FER1L6: variants seen among roughly 807,000 people sequenced by gnomAD.
FER1L6 encodes the protein fer-1-like protein 6.
Under a neutral mutation model 219.2 loss-of-function variants are expected in FER1L6, and 177 were observed. The ratio of observed to expected loss-of-function variants is 0.81; its 90% CI spans 0.71 to 0.91. The LOEUF (loss-of-function observed/expected upper bound fraction) is 0.91, where lower values mean the gene tolerates loss of function less well. Among genes scored for constraint, FER1L6 ranks in the 40% least tolerant of loss-of-function variants. The pLI is 0.00. For missense variants in FER1L6, 2,153 were observed against 2,259.9 expected (o/e 0.95, Z 0.96); for synonymous variants, 768 against 824.3 (o/e 0.93, Z 1.17).
chr8:123,978,753 T>C (rs1003713779), intron 10 of FER1L6, among the ~76,000 whole-genome samples: 1 of 152,192 alleles, frequency 6.6e-6, no homozygotes, highest in Non-Finnish European at 1.5e-5. Flanking sequence ...ACTAAAGGCA[T>C]GTCAAGAGCA....
At chr8:124,062,252 ATGAC>A (rs1399478411) in intron 25 of FER1L6, among the ~76,000 whole-genome samples, 1 of 152,150 alleles carries the variant, frequency 6.6e-6, no homozygotes, top group Non-Finnish European at 1.5e-5. Flanking sequence ...TTCCTTGAAT[ATGAC>A]TTAAGCTCCT....
At chr8:123,885,668 G>C (rs1316396071) in intron 1 of FER1L6, among the ~76,000 whole-genome samples, 1 of 152,210 alleles carries the variant, frequency 6.6e-6, no homozygotes, top group African/African-American at 2.4e-5. Context: ...GGCAGAGCGG[G>C]CTTTGGAGCC....
chr8:124,088,261 C>T (rs1364095333), intron 33 of FER1L6, among the ~76,000 whole-genome samples: 2 of 152,078 alleles, frequency 1.3e-5, no homozygotes, highest in Non-Finnish European at 2.9e-5. Context: ...AAGATAAAGT[C>T]CTTCCCCTTT....
At chr8:123,869,705 T>C (rs1816894977) in intron 1 of FER1L6, among the ~76,000 whole-genome samples, 1 of 152,192 alleles carries the variant, frequency 6.6e-6, no homozygotes, top group South Asian at 2.1e-4. Flanking sequence ...AAAGTTTATA[T>C]AAAAAGGCAA....
chr8:123,953,414 G>A (rs940763833), intron 1 of FER1L6, among the ~76,000 whole-genome samples: 4 of 152,188 alleles, frequency 2.6e-5, no homozygotes, highest in African/African-American at 9.7e-5. Context: ...TCTGAAGGTG[G>A]TTCGAGATAT....
At chr8:124,039,466 G>T (rs1466275622) in intron 19 of FER1L6, among the ~76,000 whole-genome samples, 1 of 152,142 alleles carries the variant, frequency 6.6e-6, no homozygotes, top group Non-Finnish European at 1.5e-5. Flanking sequence ...AATTACTGGG[G>T]AGTAAAATTT....
At chr8:124,082,219 T>C (rs535630931) in intron 32 of FER1L6, 69 bp from the exon 33 acceptor site, 4 of 1,303,742 alleles carry the variant, frequency 3.1e-6, no homozygotes, top group African/African-American at 2.9e-5. Context: ...TAGCTAAAAG[T>C]GAAGCTGGGA....
rs762545342 is a variant in FER1L6 at position 124,003,311 on chromosome 8, C to T, written c.1664C>T (p.Thr555Ile). 3 of 1,613,684 alleles carry T rather than the reference C, an allele frequency of 1.9e-6. No homozygotes were observed. Among genetic ancestry groups the T allele is most frequent in the Non-Finnish European group, 2.5e-6 (3 of 1,179,972 alleles). The change falls in exon 13 of 41, where the codon ACT (threonine) becomes ATT (isoleucine). Residue 555 changes from threonine to isoleucine, a missense_variant. By Grantham distance (89) the Thr-to-Ile change is moderately conservative (BLOSUM62 -1). Coordinates refer to ENST00000522917, the MANE Select transcript of FER1L6 (RefSeq NM_001039112.2). ...GTTCCCATTCCTATGGCCTCCACCA[C>T]TCACCCGGAGAAGCCACTGGTGACA... ...HDVPIPMAST[T>I]HPEKPLVTEG...
intron 32 of FER1L6, among the ~76,000 whole-genome samples, 193 bp from the exon 33 acceptor site, chr8:124,082,095 T>C (rs923226444): frequency 6.6e-6 from 1 of 152,228 alleles, no homozygotes; most frequent in East Asian, 1.9e-4. Context: ...CTATTTGAAA[T>C]TGATAACAGA....
At chr8:123,974,807 G>A (rs1815990317) in intron 7 of FER1L6, among the ~76,000 whole-genome samples, 1 of 152,146 alleles carries the variant, frequency 6.6e-6, no homozygotes, top group Non-Finnish European at 1.5e-5. Flanking sequence ...AAGGAGCCAG[G>A]TTTATGTCCT....
intron 33 of FER1L6, among the ~76,000 whole-genome samples, chr8:124,088,230 C>G (rs1355338353): frequency 6.6e-6 from 1 of 152,110 alleles, no homozygotes; most frequent in South Asian, 2.1e-4. Context: ...TCTACTGTGG[C>G]TGAACTGGCA....
chr8:124,010,824 A>T (rs1488436555), intron 14 of FER1L6, 110 bp downstream of exon 14: 28 of 1,422,548 alleles, frequency 2.0e-5, no homozygotes, highest in South Asian at 2.8e-5. Context: ...ACACAAATAA[A>T]TTGAGGATGC....
chr8:124,120,018 C>T lies in FER1L6; in HGVS notation c.*228C>T, dbSNP rs1443482371. 2 of 418,424 alleles carry T rather than the reference C, an allele frequency of 4.8e-6. No individual in the cohort carries two copies. The highest frequency in any genetic ancestry group is 4.1e-5 in the Admixed American group (1 of 24,528). The allele number at this position is 418,424 out of a possible 1,614,324, so 25.9% of individuals were successfully genotyped here. A position where few individuals can be genotyped will look rare whatever the true frequency, so the allele number is the denominator to read the frequency against. ...CCCTTGGGCAGCATGAAATAAGGCACTTTCACCTCATGGTAATCAACAATG... is the reference window on the plus strand; with the variant it reads ...CCCTTGGGCAGCATGAAATAAGGCATTTTCACCTCATGGTAATCAACAATG... On this transcript the variant is annotated 3_prime_UTR_variant, in exon 41 of 41. Transcript: ENST00000522917.
chr8:123,877,962 T>C (rs1817034784), intron 1 of FER1L6, among the ~76,000 whole-genome samples: 1 of 152,192 alleles, frequency 6.6e-6, no homozygotes. Context: ...GAGAGCTCTA[T>C]AGAAATCTTT....
intron 33 of FER1L6, among the ~76,000 whole-genome samples, chr8:124,086,894 T>C (rs1821808299): frequency 6.6e-6 from 1 of 152,200 alleles, no homozygotes; most frequent in Non-Finnish European, 1.5e-5. Flanking sequence ...CCTTCAGTAC[T>C]TTAAATGTGT....
chr8:123,986,177 G>A lies in FER1L6; in HGVS notation c.1519+1G>A, dbSNP rs749419171. ...CCCATCAGCTTTGAAGTTTCTATTGGTAAGTACAGATAAGCACAGTGCCAG... is the reference window on the plus strand; with the variant it reads ...CCCATCAGCTTTGAAGTTTCTATTGATAAGTACAGATAAGCACAGTGCCAG... On this transcript the variant is annotated splice_donor_variant, in intron 12 of 40. Transcript: ENST00000522917. LOFTEE classifies it high-confidence loss of function. 5.1e-6 allele frequency: 8 copies of A among 1,572,660 alleles called. No individual in the cohort carries two copies. In the South Asian group the frequency reaches 6.6e-5, roughly 13 times the overall value.
chr8:123,912,034 T>C (rs1425506109), intron 1 of FER1L6, among the ~76,000 whole-genome samples: 2 of 151,878 alleles, frequency 1.3e-5, no homozygotes, highest in African/African-American at 4.8e-5. Flanking sequence ...AATAAGGGAG[T>C]GCACTGAAAA....
chr8:124,003,093 G>T, intron 12 of FER1L6, 74 bp from the exon 13 acceptor site: 2 of 1,298,638 alleles, frequency 1.5e-6, no homozygotes, highest in Non-Finnish European at 2.2e-6. Flanking sequence ...ACATGAGTTT[G>T]GATCCTTTAT....
chr8:123,865,756 G>A (rs536564644), intron 1 of FER1L6, among the ~76,000 whole-genome samples: 7 of 146,184 alleles, frequency 4.8e-5, no homozygotes, highest in African/African-American at 1.8e-4. Context: ...AGGTGCGTCC[G>A]TCACCCCTTT....
Sources: allele counts gnomAD v4.1 joint callset (sites outside exome capture counted in the v4.1 genomes callset), GRCh38; gene constraint gnomAD v4.1.1; transcripts MANE v1.5; gene names NCBI Gene and HGNC (gene_info 2026-07-23, HGNC 2026-07-21).